Variants in PARG observed in about 807,000 individuals in gnomAD.
PARG encodes mitochondrial poly(ADP-ribose) glycohydrolase.
PARG carries 35 observed loss-of-function variants against 113.0 expected under a neutral mutation model. The observed-to-expected ratio is 0.31, with a 90% CI of 0.24 to 0.41. The LOEUF (loss-of-function observed/expected upper bound fraction) is 0.41, where lower values mean the gene tolerates loss of function less well. Ranked by LOEUF, PARG falls within the 10% of genes least tolerant of loss-of-function variation. The pLI, the probability that PARG is intolerant of heterozygous loss-of-function variation, is 1.00. For missense variants in PARG, 797 were observed against 1,169.4 expected (o/e 0.68, Z 4.64); for synonymous variants, 330 against 409.9 (o/e 0.81, Z 2.36).
chr10:49,916,026 T>C, intron 6 of PARG, 35 bp from the exon 7 acceptor site: 2 of 1,120,688 alleles, frequency 1.8e-6, no homozygotes, highest in Non-Finnish European at 2.7e-6. Flanking sequence ...AACGTCATGG[T>C]ATGGCCAAGT....
At chr10:49,882,010 T>C (rs1294725768) in intron 8 of PARG, among the ~76,000 whole-genome samples, 10 of 152,300 alleles carry the variant, frequency 6.6e-5, no homozygotes, top group African/African-American at 1.9e-4. Flanking sequence ...TTAACTACCA[T>C]TTACCAAGTT....
intron 15 of PARG, among the ~76,000 whole-genome samples, chr10:49,834,529 C>T (rs782071294): frequency 6.6e-6 from 1 of 152,032 alleles, no homozygotes. Context: ...TCCAATTTTC[C>T]TGGAAAATTA....
intron 7 of PARG, among the ~76,000 whole-genome samples, chr10:49,889,916 T>C (rs1847686544): frequency 6.6e-6 from 1 of 152,174 alleles, no homozygotes; most frequent in African/African-American, 2.4e-5. Context: ...AGAACATAAG[T>C]GACTAAACTA....
intron 13 of PARG, among the ~76,000 whole-genome samples, chr10:49,846,270 G>GA (rs1554833319): frequency 1.3e-5 from 2 of 150,348 alleles, no homozygotes; most frequent in Non-Finnish European, 3.0e-5. Flanking sequence ...CTAAAAAAAA[G>GA]AAAAAAGTAA....
At chr10:49,828,111 A>AAC (rs1461769128) in intron 16 of PARG, among the ~76,000 whole-genome samples, 1 of 148,234 alleles carries the variant, frequency 6.7e-6, no homozygotes, top group East Asian at 1.9e-4. Flanking sequence ...AAAAAAAAAA[A>AAC]AAAAAAAAAA....
chr10:49,854,848 A>C (rs1845914488), intron 13 of PARG, among the ~76,000 whole-genome samples: 2 of 151,532 alleles, frequency 1.3e-5, no homozygotes. Context: ...AAAGTCATTG[A>C]AAAAACAGCA....
intron 7 of PARG, among the ~76,000 whole-genome samples, chr10:49,900,896 T>A (rs1848321013): frequency 6.6e-6 from 1 of 152,142 alleles, no homozygotes; most frequent in Non-Finnish European, 1.5e-5. Context: ...TTATTATCCA[T>A]CTTTATAGAC....
At chr10:49,851,889 CAACA>C (rs1429704104) in intron 13 of PARG, among the ~76,000 whole-genome samples, 1 of 149,940 alleles carries the variant, frequency 6.7e-6, no homozygotes, top group African/African-American at 2.5e-5. Flanking sequence ...GGCAGGATCA[CAACA>C]AACAGAGGGA....
chr10:49,904,049 C>A (rs570446841), intron 7 of PARG, among the ~76,000 whole-genome samples: 2 of 151,484 alleles, frequency 1.3e-5, no homozygotes, highest in Admixed American at 1.3e-4. Flanking sequence ...AGAAATAGAG[C>A]CGAAACTCAA....
In PARG at chr10:49,819,376, C is replaced by A. The variant is rs1377717166; in HGVS notation, c.2895G>T (p.Glu965Asp). The A allele has an allele frequency of 8.4e-6, 13 of 1,551,484 alleles. No homozygotes were observed. The highest frequency in any genetic ancestry group is 1.1e-5 in the Non-Finnish European group (13 of 1,146,932). The change falls in exon 18 of 18, where the codon GAG becomes GAT. Residue 965 changes from glutamate to aspartate, a missense_variant. This residue lies in a region of PARG where 194 missense variants were observed against 247.1 expected (regional missense o/e 0.79). Coordinates refer to ENST00000616448, the MANE Select transcript of PARG (RefSeq NM_003631.5). ...TCCTTTGCCCTGAATGGTCAGCGGT[C>A]TCTGCACAGGACTCGACAGCATGGT... is the stretch of plus-strand genomic sequence containing the variant. Reference protein sequence around the residue: ...FIYHAVESCAETADHSGQRTG... With the variant: ...FIYHAVESCADTADHSGQRTG...
chr10:49,922,207 T>G, intron 6 of PARG, 129 bp downstream of exon 6: 1 of 934,308 alleles, frequency 1.1e-6, no homozygotes, highest in Non-Finnish European at 1.6e-6. Flanking sequence ...TAAGGGGCCT[T>G]CCTTAGTGCC....
Position 49,939,864 on chromosome 10 carries a change from T to C in PARG, c.217+1645A>G, listed in dbSNP as rs1400694387. Among the ~76,000 whole-genome samples, 11 of 152,178 alleles carry C rather than the reference T, an allele frequency of 7.2e-5. No individual in the cohort carries two copies. The East Asian group carries it at 9.6e-4, about 13-fold the overall frequency. ...ATGAAGACATCTAAGTGTAGACTCT[T>C]CACCAGAGAACTGCCCGAGCTCTGC... On this transcript the variant is annotated intron_variant, in intron 1 of 17. Transcript: ENST00000616448.
intron 13 of PARG, among the ~76,000 whole-genome samples, chr10:49,849,799 G>C (rs1554833886): frequency 6.6e-6 from 1 of 151,828 alleles, no homozygotes; most frequent in East Asian, 2.0e-4. Context: ...GACTGCCTGA[G>C]CCCAGGAGTT....
intron 7 of PARG, among the ~76,000 whole-genome samples, chr10:49,900,335 G>A (rs556998888): frequency 0.011 from 1,628 of 151,970 alleles, 12 homozygotes; most frequent in Non-Finnish European, 0.015. Flanking sequence ...AAAATTCACA[G>A]ACTTTCTGGA....
chr10:49,894,919 C>G (rs1848001840), intron 7 of PARG, among the ~76,000 whole-genome samples: 1 of 152,172 alleles, frequency 6.6e-6, no homozygotes, highest in Non-Finnish European at 1.5e-5. Flanking sequence ...CTGGTCTCTT[C>G]CTAGCTTCTG....
intron 7 of PARG, among the ~76,000 whole-genome samples, chr10:49,898,985 T>A (rs1209883427): frequency 6.6e-6 from 1 of 152,238 alleles, no homozygotes; most frequent in Non-Finnish European, 1.5e-5. Flanking sequence ...ACAAGATTTA[T>A]GATTGATTCA....
At chr10:49,908,311 C>G (rs1836974438) in intron 7 of PARG, 1 of 152,124 alleles carries the variant, frequency 6.6e-6, no homozygotes, top group Non-Finnish European at 1.5e-5. Flanking sequence ...ACTCATTAAC[C>G]AAACCAGGGA....
chr10:49,868,485 C>T (rs1554837301), intron 10 of PARG, among the ~76,000 whole-genome samples: 1 of 152,086 alleles, frequency 6.6e-6, no homozygotes, highest in East Asian at 1.9e-4. Flanking sequence ...TGATTTCATT[C>T]TAAAAATTTA....
chr10:49,820,124 A>G (rs909621909), intron 17 of PARG, 41 bp downstream of exon 17: 5 of 1,410,276 alleles, frequency 3.5e-6, no homozygotes, highest in Admixed American at 2.0e-5. Flanking sequence ...ATGGTGTACA[A>G]TCCATCTAGA....
Sources: gnomAD v4.1 joint callset for allele counts (sites outside exome capture counted in the v4.1 genomes callset) on GRCh38, gnomAD v4.1.1 for gene constraint, gnomAD v4.1.1 regional missense constraint, MANE v1.5 for transcripts, NCBI Gene and HGNC (gene_info 2026-07-23, HGNC 2026-07-21) for gene names.